PDE4D: variants seen among roughly 807,000 people sequenced by gnomAD.
PDE4D encodes phosphodiesterase 4D, also known as 3',5'-cyclic-AMP phosphodiesterase 4D.
Under a neutral mutation model 87.4 loss-of-function variants are expected in PDE4D, and 24 were observed. The ratio of observed to expected loss-of-function variants is 0.27; its 90% confidence interval spans 0.20 to 0.39. PDE4D has a LOEUF of 0.39. Among genes scored for constraint, PDE4D ranks in the 10% least tolerant of loss-of-function variants. PDE4D has a pLI of 1.00. For missense variants in PDE4D, 714 were observed against 1,041.0 expected, an observed-to-expected ratio of 0.69 and a Z score of 4.32; for synonymous variants, 384 against 383.2, an observed-to-expected ratio of 1.00 and a Z score of -0.02.
At chr5:59,387,416 A>AACT (rs879416915) in intron 1 of PDE4D, among the ~76,000 whole-genome samples, 10 of 152,170 alleles carry the variant, frequency 6.6e-5, no homozygotes, top group Non-Finnish European at 2.9e-5. Context: ...GAATAAGACT[A>AACT]ACTATTATAA....
chr5:59,571,901 T>C (rs1821906261), intron 1 of PDE4D, among the ~76,000 whole-genome samples: 1 of 152,242 alleles, frequency 6.6e-6, no homozygotes, highest in African/African-American at 2.4e-5. Flanking sequence ...TTATTTCACC[T>C]GGCCCCATAA....
intron 1 of PDE4D, among the ~76,000 whole-genome samples, chr5:59,509,070 GA>G (rs1182056252): frequency 6.6e-5 from 10 of 151,882 alleles, no homozygotes; most frequent in Non-Finnish European, 1.5e-4. Flanking sequence ...TCATATTTAG[GA>G]ATACCAATAC....
chr5:59,597,562 A>G (rs1583261774), intron 1 of PDE4D, among the ~76,000 whole-genome samples: 2 of 152,318 alleles, frequency 1.3e-5, no homozygotes, highest in East Asian at 3.9e-4. Context: ...AAAAAAAGAA[A>G]TACTGTGATA....
At chr5:59,458,844 T>C (rs966328362) in intron 1 of PDE4D, among the ~76,000 whole-genome samples, 2 of 152,228 alleles carry the variant, frequency 1.3e-5, no homozygotes, top group East Asian at 1.9e-4. Context: ...AACTTTCTCA[T>C]GGATATTGCA....
intron 3 of PDE4D, among the ~76,000 whole-genome samples, chr5:59,903,968 T>C (rs1752553983): frequency 6.6e-6 from 1 of 152,150 alleles, no homozygotes; most frequent in Admixed American, 6.5e-5. Context: ...TTTGGCCAAG[T>C]TTTACAGCTT....
intron 1 of PDE4D, among the ~76,000 whole-genome samples, chr5:60,358,252 G>A (rs772270336): frequency 9.2e-5 from 14 of 152,200 alleles, no homozygotes; most frequent in South Asian, 8.3e-4. Flanking sequence ...CAGAGAAGAC[G>A]GATTATATAG....
chr5:59,309,959 C>A (rs956577920), intron 1 of PDE4D, among the ~76,000 whole-genome samples: 1 of 152,184 alleles, frequency 6.6e-6, no homozygotes, highest in Non-Finnish European at 1.5e-5. Flanking sequence ...ACTCTGCTTA[C>A]GTGAGGTCTT....
chr5:59,744,664 G>A (rs1390635040), intron 1 of PDE4D, among the ~76,000 whole-genome samples: 2 of 152,158 alleles, frequency 1.3e-5, no homozygotes, highest in Non-Finnish European at 2.9e-5. Context: ...AATCCTGCTG[G>A]TTGTCATGAG....
chr5:59,181,828 C>T (rs1271854656), intron 4 of PDE4D, among the ~76,000 whole-genome samples: 1 of 152,112 alleles, frequency 6.6e-6, no homozygotes, highest in Non-Finnish European at 1.5e-5. Context: ...AGGGTCTATG[C>T]TCTGCTTTGC....
chr5:59,318,749 A>G (rs1774185169), intron 1 of PDE4D, among the ~76,000 whole-genome samples: 3 of 152,044 alleles, frequency 2.0e-5, no homozygotes, highest in Admixed American at 2.0e-4. Context: ...TTTTTTCACA[A>G]TCTCTGGATG....
intron 1 of PDE4D, among the ~76,000 whole-genome samples, chr5:59,563,107 G>A (rs1184991196): frequency 6.6e-6 from 1 of 152,166 alleles, no homozygotes; most frequent in African/African-American, 2.4e-5. Context: ...AAGCTGGCAG[G>A]GCCCCTCTGG....
intron 1 of PDE4D, among the ~76,000 whole-genome samples, chr5:59,796,716 TAA>T (rs542244708): frequency 2.0e-5 from 3 of 152,350 alleles, no homozygotes; most frequent in African/African-American, 7.2e-5. Context: ...ACACTTATTT[TAA>T]GTTTTCTTTG....
chr5:60,498,166 GCACACACACACACACACA>G (rs34436235), intron 1 of PDE4D, among the ~76,000 whole-genome samples: 5 of 144,210 alleles, frequency 3.5e-5, no homozygotes, highest in Non-Finnish European at 7.7e-5. Context: ...ACACACACAT[GCACACACACACACACACA>G]CACACACACA....
intron 1 of PDE4D, among the ~76,000 whole-genome samples, chr5:60,420,998 G>T (rs1408719602): frequency 6.6e-6 from 1 of 152,178 alleles, no homozygotes; most frequent in East Asian, 1.9e-4. Context: ...GTTCACCATT[G>T]CTGAGGCTTA....
intron 2 of PDE4D, among the ~76,000 whole-genome samples, chr5:60,150,422 G>C (rs1781401848): frequency 6.6e-6 from 1 of 152,040 alleles, no homozygotes; most frequent in Non-Finnish European, 1.5e-5. Flanking sequence ...TGTAAACCAT[G>C]AAATACTAGA....
At chr5:59,165,757 C>A (rs1226267571) in intron 5 of PDE4D, among the ~76,000 whole-genome samples, 6 of 152,316 alleles carry the variant, frequency 3.9e-5, no homozygotes, top group Admixed American at 6.5e-5. Flanking sequence ...CATCATTCAG[C>A]TCTTACTACC....
At chr5:60,437,179 G>A (rs1167185690) in intron 1 of PDE4D, among the ~76,000 whole-genome samples, 2 of 151,994 alleles carry the variant, frequency 1.3e-5, no homozygotes, top group Admixed American at 1.3e-4. Flanking sequence ...TCAAACTGTT[G>A]CTTGGCTCTT....
intron 1 of PDE4D, among the ~76,000 whole-genome samples, chr5:60,416,549 G>C (rs948547774): frequency 6.6e-6 from 1 of 152,118 alleles, no homozygotes; most frequent in Non-Finnish European, 1.5e-5. Context: ...AAGGTCTGCA[G>C]CTTCACTCCT....
At chr5:59,540,516 G>A (rs1369458435) in intron 1 of PDE4D, among the ~76,000 whole-genome samples, 1 of 152,088 alleles carries the variant, frequency 6.6e-6, no homozygotes, top group East Asian at 1.9e-4. Flanking sequence ...GGGAGCCAAG[G>A]TGGCAATTAA....
Sources: allele counts gnomAD v4.1 joint callset (sites outside exome capture counted in the v4.1 genomes callset), GRCh38; gene constraint gnomAD v4.1.1; transcripts MANE v1.5; gene names NCBI Gene and HGNC (gene_info 2026-07-23, HGNC 2026-07-21).